TYW1: variants seen among roughly 807,000 people sequenced by gnomAD.
The protein encoded by TYW1 is S-adenosyl-L-methionine-dependent tRNA 4-demethylwyosine synthase TYW1.
Under a neutral mutation model 96.2 loss-of-function variants are expected in TYW1, and 46 were observed. The ratio of observed to expected loss-of-function variants is 0.48; its 90% CI spans 0.38 to 0.61. The LOEUF is 0.61. TYW1 is among the 20% of genes least tolerant of loss of function. The probability of loss-of-function intolerance (pLI) is 0.00; values close to 1 mark genes in which losing one functional copy is unlikely to be tolerated. For missense variants in TYW1, 684 were observed against 909.6 expected, an observed-to-expected ratio of 0.75 and a Z score of 3.19; for synonymous variants, 274 against 323.0, an observed-to-expected ratio of 0.85 and a Z score of 1.63.
intron 15 of TYW1, among the ~76,000 whole-genome samples, chr7:67,223,248 T>C (rs1360084991): frequency 6.6e-6 from 1 of 152,202 alleles, no homozygotes; most frequent in Non-Finnish European, 1.5e-5. Flanking sequence ...TTGTGTGCCT[T>C]GTGATTTTCT....
intron 15 of TYW1, among the ~76,000 whole-genome samples, chr7:67,211,367 A>G (rs1724600153): frequency 6.6e-6 from 1 of 152,198 alleles, no homozygotes; most frequent in African/African-American, 2.4e-5. Flanking sequence ...AGTAAGCCGC[A>G]GCTCTCAGTC....
intron 9 of TYW1, among the ~76,000 whole-genome samples, chr7:67,062,109 G>A (rs1190082617): frequency 6.6e-6 from 1 of 151,932 alleles, no homozygotes; most frequent in Non-Finnish European, 1.5e-5. Flanking sequence ...TATCAGAAAT[G>A]TGTTCAAGAG....
intron 13 of TYW1, among the ~76,000 whole-genome samples, chr7:67,126,275 C>T (rs778516908): frequency 1.3e-5 from 2 of 151,262 alleles, no homozygotes; most frequent in Non-Finnish European, 2.9e-5. Flanking sequence ...ATTTGCCATT[C>T]ATATATCTTT....
rs190740498 is a variant in TYW1, at chr7:67,117,441, G to C, written c.1563-42G>C. The C allele has an allele frequency of 2.3e-5, 37 of 1,584,370 alleles. No homozygotes were observed. The African/African-American group carries it at 3.3e-4, about 14-fold the overall frequency. ...TTTATATCATGGAAAGCCTGATAGA[G>C]GAATAATTTTTCTTTCTTCTTTTAA... On this transcript the variant is annotated intron_variant, in intron 12 of 15. Coordinates refer to ENST00000359626, the MANE Select transcript of TYW1 (RefSeq NM_018264.4).
intron 5 of TYW1, among the ~76,000 whole-genome samples, chr7:67,016,852 C>T (rs1359935245): frequency 2.0e-5 from 3 of 152,120 alleles, no homozygotes; most frequent in East Asian, 3.9e-4. Flanking sequence ...GTGTTGAACT[C>T]GGGCTTGAGC....
At chr7:67,191,995 G>C (rs149324666) in intron 14 of TYW1, among the ~76,000 whole-genome samples, 1 of 151,414 alleles carries the variant, frequency 6.6e-6, no homozygotes, top group African/African-American at 2.4e-5. Flanking sequence ...TGCCGGGTTC[G>C]AGCTATTCTC....
At chr7:67,164,601 A>G (rs1799264057) in intron 13 of TYW1, among the ~76,000 whole-genome samples, 1 of 140,528 alleles carries the variant, frequency 7.1e-6, no homozygotes, top group African/African-American at 2.8e-5. Flanking sequence ...ACAGAGCAAA[A>G]CTGTCTCAAA....
chr7:67,234,303 C>T lies in TYW1; in HGVS notation c.1978-4005C>T, dbSNP rs1198237324. 2.3e-5 allele frequency among the ~76,000 whole-genome samples: 3 copies of T among 129,876 alleles called. 1 individual carries two copies. Among genetic ancestry groups the T allele is most frequent in the South Asian group, 5.4e-4 (2 of 3,728 alleles). The allele number at this position is 129,876 out of a possible 152,430, so 85.2% of individuals were successfully genotyped here. On this transcript the variant is annotated intron_variant, in intron 15 of 15. Coordinates refer to ENST00000359626, the MANE Select transcript of TYW1 (RefSeq NM_018264.4). ...TTGAGGCTGCAATGTGCAATAGTTG[C>T]ACCACTGCACTCCAGCCTGGGTGAC...
chr7:67,181,975 C>T (rs1799856901), intron 13 of TYW1, among the ~76,000 whole-genome samples: 1 of 152,034 alleles, frequency 6.6e-6, no homozygotes, highest in Admixed American at 6.6e-5. Context: ...ATTACAGGTG[C>T]ATGCCGCCAC....
intron 7 of TYW1, among the ~76,000 whole-genome samples, chr7:67,025,868 A>G (rs1794435856): frequency 6.6e-6 from 1 of 152,118 alleles, no homozygotes; most frequent in African/African-American, 2.4e-5. Flanking sequence ...TAAGCCTTAA[A>G]AAAAAAAGCT....
chr7:67,193,349 C>G (rs1308838733), intron 14 of TYW1, among the ~76,000 whole-genome samples: 2 of 152,314 alleles, frequency 1.3e-5, no homozygotes, highest in East Asian at 3.9e-4. Flanking sequence ...GTGCACCAGT[C>G]ATCTGTTTGA....
At chr7:67,217,064 T>TC (rs993394807) in intron 15 of TYW1, among the ~76,000 whole-genome samples, 15 of 147,870 alleles carry the variant, frequency 1.0e-4, no homozygotes, top group African/African-American at 3.8e-4. Context: ...CACTTTTTTT[T>TC]CTGTGCTTAT....
intron 4 of TYW1, 124 bp from the exon 5 acceptor site, chr7:67,014,243 T>C (rs1793929575): frequency 7.5e-7 from 1 of 1,342,098 alleles, no homozygotes; most frequent in African/African-American, 1.5e-5. Flanking sequence ...CTTTTGAAGA[T>C]GAACCATGTT....
chr7:67,207,682 TTTTTTTTTTTTGGAGATGGAG>T (rs1285905771), intron 15 of TYW1, among the ~76,000 whole-genome samples: 15 of 43,296 alleles, frequency 3.5e-4, no homozygotes, highest in African/African-American at 1.2e-3. Flanking sequence ...TTTGTTTGCC[TTTTTTTTTTTTGGAGATGGAG>T]TCATTTTGTT....
At chr7:67,123,863 T>G (rs1431465010) in intron 13 of TYW1, among the ~76,000 whole-genome samples, 1 of 152,236 alleles carries the variant, frequency 6.6e-6, no homozygotes, top group Non-Finnish European at 1.5e-5. Flanking sequence ...CCAGTTGGTC[T>G]TTAATTACTA....
intron 3 of TYW1, among the ~76,000 whole-genome samples, chr7:67,006,833 A>G (rs1417742655): frequency 6.6e-6 from 1 of 151,814 alleles, no homozygotes; most frequent in Non-Finnish European, 1.5e-5. Context: ...AGGCTCTACA[A>G]GCATGGTGCC....
At chr7:67,101,538 C>T (rs1325136661) in intron 12 of TYW1, among the ~76,000 whole-genome samples, 1 of 152,064 alleles carries the variant, frequency 6.6e-6, no homozygotes, top group Admixed American at 6.5e-5. Context: ...ATTTTTGAGA[C>T]AAAGTCTAGC....
intron 5 of TYW1, among the ~76,000 whole-genome samples, chr7:67,016,524 G>A (rs1794028417): frequency 6.6e-6 from 1 of 151,784 alleles, no homozygotes; most frequent in African/African-American, 2.4e-5. Flanking sequence ...TCCAGCCTTG[G>A]TAACAAGAGT....
intron 7 of TYW1, among the ~76,000 whole-genome samples, chr7:67,045,389 T>G (rs1000592675): frequency 2.0e-5 from 3 of 150,660 alleles, no homozygotes; most frequent in Non-Finnish European, 4.4e-5. Context: ...TAAAAAAAAA[T>G]TTTTTTTTTG....
Sources: gnomAD v4.1 joint callset for allele counts (sites outside exome capture counted in the v4.1 genomes callset) on GRCh38, gnomAD v4.1.1 for gene constraint, MANE v1.5 for transcripts, NCBI Gene and HGNC (gene_info 2026-07-23, HGNC 2026-07-21) for gene names.